Variants in TTLL10 observed in about 807,000 individuals in gnomAD.
TTLL10 encodes the protein tubulin tyrosine ligase like 10, also known as inactive polyglycylase TTLL10.
TTLL10 carries 61 observed loss-of-function variants against 69.0 expected under a neutral mutation model. The ratio of observed to expected loss-of-function variants is 0.88; its 90% confidence interval spans 0.72 to 1.09. The LOEUF (loss-of-function observed/expected upper bound fraction) is 1.09, where lower values mean the gene tolerates loss of function less well. Among genes scored for constraint, TTLL10 ranks in the 50% least tolerant of loss-of-function variants. The pLI is 0.00. For synonymous variants in TTLL10, 408 were observed against 393.3 expected (o/e 1.04, Z -0.44); for missense variants, 962 against 945.9 (o/e 1.02, Z -0.22).
In TTLL10 at chr1:1,180,161, C is replaced by T; in HGVS notation, c.327C>T (p.Ala109=). 6.2e-7 allele frequency: 1 copy of T among 1,611,252 alleles called. No homozygotes were observed. The highest frequency in any genetic ancestry group is 8.5e-7 in the Non-Finnish European group (1 of 1,179,408). Residue 109 remains alanine (A), a synonymous_variant, in exon 6 of 16, where the codon GCC becomes GCT. Transcript: ENST00000379289. ...TGGAGGGGGCAGAAAGAGCCTCTGC[C>T]ACACCCGGACCCCCTGGGCTCCTGA... ...PDLEGAERAS[A]TPGPPGLLNS... is the part of the protein sequence containing the mutation.
rs553255197 is a variant in TTLL10, at chr1:1,190,049, TTGCAGTGAGCCGAGATC to T, written c.1401+4941_1401+4957del. ...ATCGCGTGAACCCGGGAGGCGGAGC[TTGCAGTGAGCCGAGATC>T]GCACCACTGCACTCCAGCCTGGGGG... On this transcript the variant is annotated intron_variant, in intron 13 of 15. Transcript: ENST00000379289. Among the ~76,000 whole-genome samples the T allele has an allele frequency of 1.3e-4, 19 of 151,330 alleles. No homozygotes were observed. The South Asian group carries it at 4.0e-3, about 32-fold the overall frequency.
intron 14 of TTLL10, among the ~76,000 whole-genome samples, 165 bp downstream of exon 14, chr1:1,196,881 T>C (rs1648251819): frequency 6.6e-6 from 1 of 152,044 alleles, no homozygotes; most frequent in African/African-American, 2.4e-5. Context: ...TCACCCCCTG[T>C]GCAGCTAGGA....
At position 1,197,295 on chromosome 1, in the gene TTLL10, C is replaced by T. The variant is rs561503674; in HGVS notation, c.1612+109C>T. The stretch of plus-strand genomic sequence containing the variant: ...CCACAGATGGGGCTCTTCCACCTCC[C>T]GAGGGCCTGTGTGGCAGCGCCGCCC... On this transcript the variant is annotated intron_variant, in intron 15 of 15. Coordinates refer to ENST00000379289, the MANE Select transcript of TTLL10 (RefSeq NM_001130045.2). 6.7e-5 allele frequency: 89 copies of T among 1,336,624 alleles called. No homozygotes were observed. In the Middle Eastern group the frequency reaches 1.0e-3, roughly 15 times the overall value. The allele number at this position is 1,336,624 out of a possible 1,614,324, so 82.8% of individuals were successfully genotyped here. A position where few individuals can be genotyped will look rare whatever the true frequency, so the allele number is the denominator to read the frequency against.
At chr1:1,184,121 T>C in intron 12 of TTLL10, 30 bp downstream of exon 12, 1 of 1,613,736 alleles carries the variant, frequency 6.2e-7, no homozygotes, top group South Asian at 1.1e-5. Flanking sequence ...GGGCCCTCCC[T>C]GCAGCCTTGG....
chr1:1,183,775 A>T, intron 11 of TTLL10, 145 bp from the exon 12 acceptor site: 1 of 1,076,264 alleles, frequency 9.3e-7, no homozygotes, highest in South Asian at 1.4e-5. Context: ...ATTCAGGCCC[A>T]GAAATGCCCC....
chr1:1,197,737 C>T lies in TTLL10; in HGVS notation c.1912C>T (p.Gln638Ter), dbSNP rs1557494333. Reference protein sequence around the residue: ...DLDSAHDGEPQAPGTEQSGTG... With the variant: ...DLDSAHDGEP ...GGACAGCGCCCACGATGGGGAGCCC[C>T]AGGCCCCGGGCACGGAGCAGTCGGG... The change falls in exon 16 of 16, where the codon CAG becomes TAG. Residue 638 changes from glutamine (Q) to a stop codon, truncating the protein, a stop_gained. Transcript: ENST00000379289. LOFTEE classifies it high-confidence loss of function. 2 of 1,534,314 alleles carry T rather than the reference C, an allele frequency of 1.3e-6. No individual in the cohort carries two copies. The highest frequency in any genetic ancestry group is 1.4e-5 in the African/African-American group (1 of 71,838).
intron 12 of TTLL10, among the ~76,000 whole-genome samples, chr1:1,184,741 G>A (rs1484356233): frequency 9.5e-5 from 13 of 136,650 alleles, no homozygotes; most frequent in South Asian, 2.6e-4. Flanking sequence ...TCCAGGCACC[G>A]TGTGCCCCCA....
At chr1:1,183,490 G>A (rs868461339) in intron 11 of TTLL10, among the ~76,000 whole-genome samples, 1 of 152,146 alleles carries the variant, frequency 6.6e-6, no homozygotes, top group Non-Finnish European at 1.5e-5. Context: ...CCCGGCCCTC[G>A]TAGAGCCTCA....
chr1:1,185,839 CAG>C lies in TTLL10; in HGVS notation c.1401+732_1401+733del. Reference sequence around the variant, plus strand: ...ACTCTCTCTTAATTGCGATAATTCACAGAACATAAAATTCACGATCTTAAAGT... The same window carrying C: ...ACTCTCTCTTAATTGCGATAATTCACAACATAAAATTCACGATCTTAAAGT... On this transcript the variant is annotated intron_variant, in intron 13 of 15. Transcript: ENST00000379289. The surrounding 1 kb of genome is among the most constrained non-coding windows in gnomAD (Gnocchi z 6.1). 4.1e-6 allele frequency: 4 copies of C among 985,224 alleles called. No homozygotes were observed. The highest frequency in any genetic ancestry group is 4.8e-6 in the Non-Finnish European group (4 of 829,740). 61.0% of individuals were successfully genotyped at this position (985,224 alleles called of 1,614,324 possible).
intron 13 of TTLL10, among the ~76,000 whole-genome samples, chr1:1,193,611 A>G (rs368786186): frequency 6.6e-6 from 1 of 151,440 alleles, no homozygotes; most frequent in African/African-American, 2.4e-5. Context: ...TTACAGGCGC[A>G]TGCCACCACA....
Position 1,185,761 on chromosome 1 carries a change from C to T in TTLL10, c.1401+652C>T. 1 of 985,512 alleles carries T rather than the reference C, an allele frequency of 1.0e-6. No homozygotes were observed. 61.0% of individuals were successfully genotyped at this position (985,512 alleles called of 1,614,324 possible). On this transcript the variant is annotated intron_variant, in intron 13 of 15. Transcript: ENST00000379289. The surrounding 1 kb of genome is among the most constrained non-coding windows in gnomAD (Gnocchi z 6.1). ...CACCCACAGGCGTGTGTCACTGTGG[C>T]TGGGACGGCAGCGCTCAGAGGAGCC...
chr1:1,175,851 G>C (rs1414444989), intron 3 of TTLL10: 1 of 395,782 alleles, frequency 2.5e-6, no homozygotes, highest in Non-Finnish European at 5.0e-6. Flanking sequence ...CCGCTGTGCC[G>C]GTGGAGAGGC....
In TTLL10 at chr1:1,185,001, G is replaced by A; in HGVS notation, c.1293G>A (p.Leu431=). The A allele has an allele frequency of 6.2e-7, 1 of 1,613,758 alleles. No homozygotes were observed. Among genetic ancestry groups the A allele is most frequent in the Non-Finnish European group, 8.5e-7 (1 of 1,179,902 alleles). ...FMQKKSPLYM[L]LKEHTVWSME... ...AGAAGAAGAGCCCTCTGTACATGCTGCTGAAGGAGCACACGGTGTGGAGCA... is the reference window on the plus strand; with the variant it reads ...AGAAGAAGAGCCCTCTGTACATGCTACTGAAGGAGCACACGGTGTGGAGCA... Residue 431 remains leucine, a synonymous_variant, in exon 13 of 16, where the codon CTG becomes CTA. Transcript: ENST00000379289. The surrounding 1 kb of genome is among the most constrained non-coding windows in gnomAD (Gnocchi z 6.1).
Position 1,187,584 on chromosome 1 carries a change from C to T in TTLL10, c.1401+2475C>T, listed in dbSNP as rs112210705. Among the ~76,000 whole-genome samples, 502 of 152,050 alleles carry T rather than the reference C, an allele frequency of 3.3e-3. 3 individuals are homozygous for T. The highest frequency in any genetic ancestry group is 0.011 in the African/African-American group (471 of 41,460). ...GGTGGAGGTAGCTGTGAGCCAAGATCGTGCCACTGCACTCTAGCCTGGGCA... is the reference window on the plus strand; with the variant it reads ...GGTGGAGGTAGCTGTGAGCCAAGATTGTGCCACTGCACTCTAGCCTGGGCA... On this transcript the variant is annotated intron_variant, in intron 13 of 15. Coordinates refer to ENST00000379289, the MANE Select transcript of TTLL10 (RefSeq NM_001130045.2).
In TTLL10 at chr1:1,176,155, A is replaced by T. The variant is rs1486696848; in HGVS notation, c.-28+1666A>T. On this transcript the variant is annotated intron_variant, in intron 3 of 15. Transcript: ENST00000379289. ...AGGCTGACGCTGTGCAGGTGGAGAGAGGCTGACGCTGTGCAGGTGGAGAGA... is the reference window on the plus strand; with the variant it reads ...AGGCTGACGCTGTGCAGGTGGAGAGTGGCTGACGCTGTGCAGGTGGAGAGA... The T allele has an allele frequency of 9.0e-6, 4 of 443,748 alleles. No homozygotes were observed. The Admixed American group carries it at 9.6e-5, about 11-fold the overall frequency. The allele number at this position is 443,748 out of a possible 1,614,324, so 27.5% of individuals were successfully genotyped here.
rs1300334311 is a variant in TTLL10 at position 1,181,362 on chromosome 1, G to T, written c.756-379G>T. On this transcript the variant is annotated intron_variant, in intron 8 of 15. Coordinates refer to ENST00000379289, the MANE Select transcript of TTLL10 (RefSeq NM_001130045.2). The surrounding 1 kb of genome is among the most constrained non-coding windows in gnomAD (Gnocchi z 4.6). Reference sequence around the variant, plus strand: ...GCCGTCCATCGCTCACCCAAGTCTGGGCCATCCATCCTAGCGACTTCGTCC... The same window carrying T: ...GCCGTCCATCGCTCACCCAAGTCTGTGCCATCCATCCTAGCGACTTCGTCC... 6.6e-6 allele frequency among the ~76,000 whole-genome samples: 1 copy of T among 151,654 alleles called. No individual in the cohort carries two copies. The highest frequency in any genetic ancestry group is 6.6e-5 in the Admixed American group (1 of 15,222).
chr1:1,185,136 G>T lies in TTLL10; in HGVS notation c.1401+27G>T. 2 of 1,605,084 alleles carry T rather than the reference G, an allele frequency of 1.2e-6. No individual in the cohort carries two copies. Among genetic ancestry groups the T allele is most frequent in the South Asian group, 1.1e-5 (1 of 90,826 alleles). ...TGCGTCCACTGTGCCCTCCAGTCTG[G>T]GAGTGAGATCCCTCGGGGCGGGGGT... On this transcript the variant is annotated intron_variant, in intron 13 of 15. Coordinates refer to ENST00000379289, the MANE Select transcript of TTLL10 (RefSeq NM_001130045.2). The surrounding 1 kb of genome is among the most constrained non-coding windows in gnomAD (Gnocchi z 6.1).
chr1:1,195,518 T>TTTTTTTTTTTTTTTTTTTTTTTTTTTG (rs1648138211), intron 13 of TTLL10, among the ~76,000 whole-genome samples: 1 of 143,586 alleles, frequency 7.0e-6, no homozygotes, highest in Admixed American at 7.2e-5. Context: ...TTTTTTTTTT[T>TTTTTTTTTTTTTTTTTTTTTTTTTTTG]AGTTTTAGTA....
chr1:1,180,654 G>C, intron 7 of TTLL10, 53 bp downstream of exon 7: 1 of 1,555,980 alleles, frequency 6.4e-7, no homozygotes, highest in South Asian at 1.2e-5. Flanking sequence ...TCCTGGGCCG[G>C]AGCACAGGGC....
Sources: allele counts gnomAD v4.1 joint callset (sites outside exome capture counted in the v4.1 genomes callset), GRCh38; gene constraint gnomAD v4.1.1; non-coding constraint Gnocchi (gnomAD v3.1); transcripts MANE v1.5; gene names NCBI Gene and HGNC (gene_info 2026-07-23, HGNC 2026-07-21).